The following LPP variants were observed in gnomAD, a reference collection of about 807,000 sequenced individuals.
LPP encodes lipoma-preferred partner.
LPP carries 38 observed loss-of-function variants against 60.4 expected under a neutral mutation model. The ratio of observed to expected loss-of-function variants is 0.63; its 90% CI spans 0.49 to 0.83. LPP has a LOEUF of 0.83. Among genes scored for constraint, LPP ranks in the 40% least tolerant of loss-of-function variants. The pLI, the probability that LPP is intolerant of heterozygous loss-of-function variation, is 0.00. For missense variants in LPP, 902 were observed against 783.6 expected, an observed-to-expected ratio of 1.15 and a Z score of -1.80; for synonymous variants, 328 against 290.8, an observed-to-expected ratio of 1.13 and a Z score of -1.30.
At chr3:188,759,534 A>G (rs565090262) in intron 8 of LPP, 11 of 153,852 alleles carry the variant, frequency 7.1e-5, no homozygotes, top group African/African-American at 2.6e-4. Context: ...ACTATGGCTC[A>G]GTAGGAGAAA....
chr3:188,415,236 A>G (rs1785888971), intron 4 of LPP, among the ~76,000 whole-genome samples: 3 of 152,260 alleles, frequency 2.0e-5, no homozygotes, highest in Admixed American at 1.3e-4. Flanking sequence ...GAGAGCCACA[A>G]AGAGATATCA....
intron 2 of LPP, among the ~76,000 whole-genome samples, chr3:188,279,214 A>G (rs1741080254): frequency 6.6e-6 from 1 of 152,236 alleles, no homozygotes; most frequent in African/African-American, 2.4e-5. Context: ...GAAATGGCGT[A>G]GAAGCCATTA....
chr3:188,641,769 T>A (rs995743415), intron 7 of LPP, among the ~76,000 whole-genome samples: 2 of 152,168 alleles, frequency 1.3e-5, no homozygotes, highest in Non-Finnish European at 2.9e-5. Flanking sequence ...AAGGAAGGTT[T>A]CGGATGGACC....
chr3:188,710,364 C>CATCT (rs1866391166), intron 8 of LPP: 1 of 152,176 alleles, frequency 6.6e-6, no homozygotes, highest in South Asian at 2.1e-4. Flanking sequence ...GCATGTCACC[C>CATCT]ATCTGCCTGA....
rs150911066 is a variant in LPP, at chr3:188,693,101, A to T, written c.1114-15166A>T. Among the ~76,000 whole-genome samples, 1,090 of 152,344 alleles carry T rather than the reference A, an allele frequency of 7.2e-3. 8 individuals carry two copies. Among genetic ancestry groups the T allele is most frequent in the Middle Eastern group, 0.014 (4 of 294 alleles). On this transcript the variant is annotated intron_variant, in intron 7 of 11. Transcript: ENST00000617246. ...ATAACACCTTGTGTGTTTATGGCAC[A>T]TAATTACATGAAACTCATTTTATTC...
At chr3:188,443,079 G>A (rs935164392) in intron 4 of LPP, among the ~76,000 whole-genome samples, 3 of 152,170 alleles carry the variant, frequency 2.0e-5, no homozygotes, top group Admixed American at 2.0e-4. Context: ...GGATCATTGT[G>A]ATCTTTTCTC....
rs543984341 is a variant in LPP, at chr3:188,676,265, C to A, written c.1114-32002C>A. Among the ~76,000 whole-genome samples the A allele has an allele frequency of 4.6e-5, 7 of 152,246 alleles. No individual in the cohort carries two copies. The South Asian group carries it at 1.2e-3, about 27-fold the overall frequency. On this transcript the variant is annotated intron_variant, in intron 7 of 11. Transcript: ENST00000617246. ...ATACACTAAAATACTGAAACAGCTA[C>A]ATTGTATTCAGGTGAAGCTACATAG...
intron 9 of LPP, among the ~76,000 whole-genome samples, chr3:188,786,375 T>C (rs1286961516): frequency 1.0e-5 from 1 of 96,726 alleles, no homozygotes; most frequent in Non-Finnish European, 1.9e-5. Context: ...AGCGTGAGAC[T>C]CCGTCTCAAA....
intron 8 of LPP, chr3:188,709,011 A>C (rs1866062094): frequency 6.6e-6 from 1 of 152,214 alleles, no homozygotes; most frequent in South Asian, 2.1e-4. Context: ...CAAGTAAAAA[A>C]TGTGGAATTG....
chr3:188,522,815 A>ATATATGTG (rs796830660), intron 5 of LPP, among the ~76,000 whole-genome samples: 6 of 136,520 alleles, frequency 4.4e-5, no homozygotes, highest in African/African-American at 1.7e-4. Flanking sequence ...ATATATATAT[A>ATATATGTG]TGTGTATGTG....
intron 2 of LPP, among the ~76,000 whole-genome samples, chr3:188,243,123 A>G (rs1379515436): frequency 1.3e-5 from 2 of 152,338 alleles, no homozygotes; most frequent in South Asian, 2.1e-4. Flanking sequence ...ATAACAAAAA[A>G]AAGACAGAAA....
intron 7 of LPP, among the ~76,000 whole-genome samples, chr3:188,681,252 C>A (rs112174832): frequency 0.11 from 16,366 of 152,148 alleles, 1,132 homozygotes; most frequent in Non-Finnish European, 0.15. Flanking sequence ...CCTTGGCCTC[C>A]CAGAGTGTTG....
At chr3:188,870,216 T>A (rs1447467150) in intron 10 of LPP, among the ~76,000 whole-genome samples, 1 of 152,194 alleles carries the variant, frequency 6.6e-6, no homozygotes, top group African/African-American at 2.4e-5. Context: ...GTATCATTTT[T>A]GCAATAAGGA....
intron 2 of LPP, among the ~76,000 whole-genome samples, chr3:188,338,196 C>T (rs1762169242): frequency 1.3e-5 from 2 of 152,174 alleles, no homozygotes; most frequent in African/African-American, 4.8e-5. Context: ...TAAATCCTGG[C>T]AAACATTACT....
At chr3:188,554,929 T>G (rs1292045156) in intron 6 of LPP, among the ~76,000 whole-genome samples, 1 of 152,122 alleles carries the variant, frequency 6.6e-6, no homozygotes, top group Non-Finnish European at 1.5e-5. Flanking sequence ...GGGAGAGGCA[T>G]AGTAAACATG....
intron 6 of LPP, among the ~76,000 whole-genome samples, chr3:188,604,427 A>G (rs920900671): frequency 6.6e-6 from 1 of 152,154 alleles, no homozygotes. Context: ...GTCAGCATCA[A>G]GTAAAACTTA....
intron 7 of LPP, among the ~76,000 whole-genome samples, chr3:188,643,772 T>A (rs569900438): frequency 1.6e-4 from 24 of 152,292 alleles, no homozygotes; most frequent in African/African-American, 5.8e-4. Flanking sequence ...TGCTAGGATT[T>A]CTGTTTGGGA....
chr3:188,683,303 A>C (rs1468853567), intron 7 of LPP, among the ~76,000 whole-genome samples: 1 of 152,096 alleles, frequency 6.6e-6, no homozygotes, highest in South Asian at 2.1e-4. Context: ...CAGTGGTAGC[A>C]GGACTCATTT....
At chr3:188,304,870 T>C (rs947380251) in intron 2 of LPP, among the ~76,000 whole-genome samples, 1 of 152,202 alleles carries the variant, frequency 6.6e-6, no homozygotes, top group African/African-American at 2.4e-5. Context: ...TCTTAACAGC[T>C]CTTCTGATAG....
Sources: gnomAD v4.1 joint callset for allele counts (sites outside exome capture counted in the v4.1 genomes callset) on GRCh38, gnomAD v4.1.1 for gene constraint, MANE v1.5 for transcripts, NCBI Gene and HGNC (gene_info 2026-07-23, HGNC 2026-07-21) for gene names.